PALLD: variants seen among roughly 807,000 people sequenced by gnomAD.
PALLD encodes the protein palladin.
PALLD carries 61 observed loss-of-function variants against 123.5 expected under a neutral mutation model. The observed-to-expected ratio is 0.49, with a 90% CI of 0.40 to 0.61. PALLD has a LOEUF of 0.61. Ranked by LOEUF, PALLD falls within the 20% of genes least tolerant of loss-of-function variation. PALLD has a pLI of 0.00. For missense variants in PALLD, 1,273 were observed against 1,377.0 expected (o/e 0.92, Z 1.20); for synonymous variants, 465 against 496.4 (o/e 0.94, Z 0.84).
At chr4:168,550,301 C>T (rs1766597209) in intron 2 of PALLD, among the ~76,000 whole-genome samples, 1 of 151,720 alleles carries the variant, frequency 6.6e-6, no homozygotes, top group South Asian at 2.1e-4. Context: ...AAACAGAAAA[C>T]GAAAACAAAG....
At chr4:168,896,057 A>G (rs1755064126) in intron 12 of PALLD, among the ~76,000 whole-genome samples, 1 of 152,152 alleles carries the variant, frequency 6.6e-6, no homozygotes, top group African/African-American at 2.4e-5. Context: ...TGAAAATACA[A>G]AAATTAGCCG....
chr4:168,633,844 C>G (rs1019139022), intron 2 of PALLD, among the ~76,000 whole-genome samples: 1 of 152,162 alleles, frequency 6.6e-6, no homozygotes, highest in Non-Finnish European at 1.5e-5. Context: ...TCATACTTTG[C>G]CAATGCATAT....
At chr4:168,660,301 C>T (rs889713399) in intron 2 of PALLD, among the ~76,000 whole-genome samples, 2 of 152,132 alleles carry the variant, frequency 1.3e-5, no homozygotes, top group Non-Finnish European at 2.9e-5. Context: ...CCTCCTGACC[C>T]TTTGATCCCT....
chr4:168,620,445 A>T lies in PALLD; in HGVS notation c.909-47745A>T, dbSNP rs111467019. ...ACTGCAACCTGGGCGACAGAGTGAG[A>T]TGCTGTCTAAAAAAACAAAAAAAAT... On this transcript the variant is annotated intron_variant, in intron 2 of 21. Transcript: ENST00000505667. 5.9e-3 allele frequency among the ~76,000 whole-genome samples: 901 copies of T among 152,318 alleles called. 7 individuals carry two copies. The highest frequency in any genetic ancestry group is 0.02 in the African/African-American group (832 of 41,560).
chr4:168,812,159 T>G (rs1440477355), intron 10 of PALLD, among the ~76,000 whole-genome samples: 1 of 152,168 alleles, frequency 6.6e-6, no homozygotes, highest in African/African-American at 2.4e-5. Flanking sequence ...CTCTCCTTAT[T>G]CTCTTAGATT....
intron 10 of PALLD, among the ~76,000 whole-genome samples, chr4:168,717,014 C>CA (rs1785427600): frequency 1.3e-5 from 2 of 152,318 alleles, no homozygotes; most frequent in African/African-American, 4.8e-5. Flanking sequence ...CCTGACCACC[C>CA]AGTCTAAAGC....
At chr4:168,585,753 T>C (rs907349290) in intron 2 of PALLD, among the ~76,000 whole-genome samples, 1 of 152,104 alleles carries the variant, frequency 6.6e-6, no homozygotes, top group African/African-American at 2.4e-5. Flanking sequence ...CAGCCCAGGG[T>C]GGAACCAAGC....
intron 8 of PALLD, among the ~76,000 whole-genome samples, chr4:168,706,111 G>A (rs1004664957): frequency 6.6e-6 from 1 of 152,092 alleles, no homozygotes; most frequent in African/African-American, 2.4e-5. Flanking sequence ...TGTCTAGAAC[G>A]TTTTCATCTT....
At chr4:168,735,873 C>T (rs1392649764) in intron 10 of PALLD, among the ~76,000 whole-genome samples, 5 of 152,196 alleles carry the variant, frequency 3.3e-5, no homozygotes, top group Non-Finnish European at 4.4e-5. Flanking sequence ...GTTCCTCTAC[C>T]TCCCACATTT....
At chr4:168,691,502 A>G (rs1426223281) in intron 8 of PALLD, among the ~76,000 whole-genome samples, 2 of 152,194 alleles carry the variant, frequency 1.3e-5, no homozygotes, top group Admixed American at 6.5e-5. Context: ...TTATTAGCAA[A>G]ACATTAAGTT....
At chr4:168,858,243 C>T (rs902058143) in intron 10 of PALLD, among the ~76,000 whole-genome samples, 4 of 152,144 alleles carry the variant, frequency 2.6e-5, no homozygotes, top group African/African-American at 9.7e-5. Flanking sequence ...TATTTAGCCA[C>T]ACAAAGTTAG....
chr4:168,816,794 G>C (rs1034290518), intron 10 of PALLD, among the ~76,000 whole-genome samples: 1 of 150,948 alleles, frequency 6.6e-6, no homozygotes, highest in Non-Finnish European at 1.5e-5. Flanking sequence ...GGCTGAGTCA[G>C]AGTGACCTGT....
chr4:168,708,623 G>A (rs1784438300), intron 8 of PALLD, among the ~76,000 whole-genome samples: 1 of 152,032 alleles, frequency 6.6e-6, no homozygotes, highest in Non-Finnish European at 1.5e-5. Context: ...CCACTGCTTG[G>A]TTTGCAGCTG....
At chr4:168,547,976 C>T (rs1042491822) in intron 2 of PALLD, among the ~76,000 whole-genome samples, 1 of 148,742 alleles carries the variant, frequency 6.7e-6, no homozygotes, top group Non-Finnish European at 1.5e-5. Context: ...ACCTGGGAGG[C>T]GGAGGTGGCA....
At chr4:168,749,707 T>G (rs1730782999) in intron 10 of PALLD, among the ~76,000 whole-genome samples, 1 of 151,970 alleles carries the variant, frequency 6.6e-6, no homozygotes, top group African/African-American at 2.4e-5. Flanking sequence ...TCCATCTCAA[T>G]AACAGTAATA....
chr4:168,693,746 A>T (rs536810902), intron 8 of PALLD, among the ~76,000 whole-genome samples: 217 of 152,266 alleles, frequency 1.4e-3, no homozygotes, highest in African/African-American at 5.0e-3. Context: ...ACCTACGATG[A>T]TTTCTCCACA....
chr4:168,636,418 G>A (rs897935159), intron 2 of PALLD, among the ~76,000 whole-genome samples: 6 of 152,174 alleles, frequency 3.9e-5, no homozygotes, highest in African/African-American at 9.7e-5. Context: ...TCAGAAATTC[G>A]AGGCTGCAGT....
chr4:168,901,290 C>G (rs1480774269), intron 14 of PALLD, among the ~76,000 whole-genome samples: 1 of 152,068 alleles, frequency 6.6e-6, no homozygotes, highest in Non-Finnish European at 1.5e-5. Flanking sequence ...TTTATTCCTC[C>G]CTTGACATGC....
At chr4:168,713,403 T>A (rs2150221265) in intron 10 of PALLD, among the ~76,000 whole-genome samples, 1 of 152,376 alleles carries the variant, frequency 6.6e-6, no homozygotes, top group African/African-American at 2.4e-5. Context: ...ACAAGGGACC[T>A]GCTCTCCAGG....
Sources: allele counts gnomAD v4.1 joint callset (sites outside exome capture counted in the v4.1 genomes callset), GRCh38; gene constraint gnomAD v4.1.1; transcripts MANE v1.5; gene names NCBI Gene and HGNC (gene_info 2026-07-23, HGNC 2026-07-21).